Variants in MIB1 observed in about 807,000 individuals in gnomAD.
MIB1 encodes the protein E3 ubiquitin-protein ligase MIB1.
MIB1 carries 278 observed loss-of-function variants against 124.5 expected under a neutral mutation model. The observed-to-expected ratio is 2.23, with a 90% CI of 2.02 to 2.47. The LOEUF (loss-of-function observed/expected upper bound fraction) is 2.47. Ranked by LOEUF, MIB1 falls within the 30% of genes most tolerant of loss-of-function variation. MIB1 has a pLI of 0.00. For missense variants in MIB1, 957 were observed against 1,254.4 expected (o/e 0.76, Z 3.58); for synonymous variants, 446 against 429.4 (o/e 1.04, Z -0.48).
At chr18:21,856,575 G>T (rs945341171) in intron 18 of MIB1, among the ~76,000 whole-genome samples, 1 of 152,126 alleles carries the variant, frequency 6.6e-6, no homozygotes, top group African/African-American at 2.4e-5. Context: ...TGTTGGGCAG[G>T]GGGAGAGAGA....
intron 10 of MIB1, among the ~76,000 whole-genome samples, chr18:21,805,796 T>C (rs1174289777): frequency 6.6e-6 from 1 of 152,092 alleles, no homozygotes; most frequent in East Asian, 1.9e-4. Flanking sequence ...TATTTGCGTT[T>C]CTAGAGATTT....
At chr18:21,708,299 T>G (rs1290806580) in intron 1 of MIB1, among the ~76,000 whole-genome samples, 1 of 152,214 alleles carries the variant, frequency 6.6e-6, no homozygotes. Flanking sequence ...AATGAGATGA[T>G]TGAGATGGAG....
rs140763452 is a variant in MIB1, at chr18:21,788,712, G to GA, written c.909-2657dup. Among the ~76,000 whole-genome samples the GA allele has an allele frequency of 8.8e-3, 1,344 of 152,262 alleles. 21 individuals are homozygous for GA. Among genetic ancestry groups the GA allele is most frequent in the African/African-American group, 0.03 (1,256 of 41,554 alleles). On this transcript the variant is annotated intron_variant, in intron 6 of 20. Transcript: ENST00000261537. ...TACAGATGACCTGATACCATGTATA[G>GA]AAAAACCCAAAGAATCCACAAAAGC...
intron 1 of MIB1, among the ~76,000 whole-genome samples, chr18:21,722,230 A>AT (rs768152254): frequency 1.9e-4 from 28 of 150,200 alleles, no homozygotes; most frequent in Admixed American, 3.3e-4. Context: ...AATTTTTTGT[A>AT]TTTTTAGTAG....
intron 1 of MIB1, among the ~76,000 whole-genome samples, chr18:21,753,759 C>T (rs1381402424): frequency 7.9e-5 from 12 of 152,042 alleles, no homozygotes; most frequent in Admixed American, 7.9e-4. Flanking sequence ...CCACTGCAAC[C>T]TCTGCCTCCC....
At chr18:21,861,453 A>G (rs1043367093) in intron 20 of MIB1, among the ~76,000 whole-genome samples, 7 of 152,054 alleles carry the variant, frequency 4.6e-5, no homozygotes, top group Admixed American at 1.3e-4. Flanking sequence ...GAATAGTGAC[A>G]TTTATTGAAC....
intron 6 of MIB1, among the ~76,000 whole-genome samples, chr18:21,784,194 G>A (rs375388541): frequency 3.3e-5 from 5 of 151,876 alleles, no homozygotes; most frequent in African/African-American, 9.7e-5. Flanking sequence ...GACTACAGGC[G>A]CGTGCCACCA....
rs143887083 is a variant in MIB1 at position 21,793,464 on chromosome 18, G to T, written c.1092+1907G>T. Among the ~76,000 whole-genome samples, 1,025 of 152,200 alleles carry T rather than the reference G, an allele frequency of 6.7e-3. 5 individuals carry two copies. The highest frequency in any genetic ancestry group is 0.01 in the Non-Finnish European group (712 of 67,998). On this transcript the variant is annotated intron_variant, in intron 7 of 20. Coordinates refer to ENST00000261537, the MANE Select transcript of MIB1 (RefSeq NM_020774.4). ...GTTATTATTGAAAAAAGGGAATAAG[G>T]AATAGAACTTCTCTACAGATAGTGA...
At chr18:21,768,786 A>G (rs1297441023) in intron 3 of MIB1, 34 bp downstream of exon 3, 1 of 1,575,048 alleles carries the variant, frequency 6.3e-7, no homozygotes, top group Middle Eastern at 1.7e-4. Flanking sequence ...TATGTATTCT[A>G]GAGTATTATA....
chr18:21,826,984 T>G (rs559272225), intron 12 of MIB1: 1 of 152,280 alleles, frequency 6.6e-6, no homozygotes, highest in Non-Finnish European at 1.5e-5. Flanking sequence ...TAATACTGGC[T>G]TCTATTTTTA....
intron 1 of MIB1, among the ~76,000 whole-genome samples, chr18:21,716,549 G>A (rs1266911156): frequency 6.6e-6 from 1 of 152,144 alleles, no homozygotes; most frequent in Non-Finnish European, 1.5e-5. Flanking sequence ...AATGTAAATG[G>A]CCTAAAAAAT....
In MIB1 at chr18:21,866,797, T is replaced by C. The variant is rs1332455610; in HGVS notation, c.*2131T>C. 1.3e-5 allele frequency: 2 copies of C among 152,346 alleles called. No homozygotes were observed. Among genetic ancestry groups the C allele is most frequent in the Non-Finnish European group, 2.9e-5 (2 of 68,040 alleles). The allele number at this position is 152,346 out of a possible 1,614,324, so 9.4% of individuals were successfully genotyped here. On this transcript the variant is annotated 3_prime_UTR_variant, in exon 21 of 21. Coordinates refer to ENST00000261537, the MANE Select transcript of MIB1 (RefSeq NM_020774.4). ...AATAATGTCATTATAATTTTAGTGC[T>C]AGTACTTGTGGGTTTTCTGTATTTG...
At position 21,783,022 on chromosome 18, in the gene MIB1, A is replaced by C. The variant is rs146030080; in HGVS notation, c.908+3337A>C. Among the ~76,000 whole-genome samples, 339 of 152,214 alleles carry C rather than the reference A, an allele frequency of 2.2e-3. 2 individuals carry two copies. Among genetic ancestry groups the C allele is most frequent in the Non-Finnish European group, 3.6e-3 (246 of 68,014 alleles). ...TTGACCACTTTATTATTATACAGTG[A>C]CTTTTGTCTGTTTTTACAGTCTTTA... On this transcript the variant is annotated intron_variant, in intron 6 of 20. Transcript: ENST00000261537.
intron 1 of MIB1, among the ~76,000 whole-genome samples, chr18:21,706,795 G>A (rs757172014): frequency 6.6e-6 from 1 of 152,094 alleles, no homozygotes; most frequent in Non-Finnish European, 1.5e-5. Context: ...TGCCTGAGCC[G>A]CACCCCCCGC....
chr18:21,860,098 CTTTTTTTT>C (rs398032096), intron 20 of MIB1, among the ~76,000 whole-genome samples: 1,095 of 26,464 alleles, frequency 0.041, 54 homozygotes, highest in African/African-American at 0.11. Flanking sequence ...TTCTTTATGT[CTTTTTTTT>C]TTTTTTTTTT....
intron 2 of MIB1, among the ~76,000 whole-genome samples, chr18:21,767,093 G>A (rs1049647162): frequency 2.0e-5 from 3 of 152,152 alleles, no homozygotes; most frequent in African/African-American, 2.4e-5. Flanking sequence ...GAACAGGTTA[G>A]TGTAGGTAAA....
chr18:21,741,729 T>TG lies in MIB1; in HGVS notation c.148dup (p.Val50GlyfsTer32). The TG allele has an allele frequency of 6.2e-7, 1 of 1,611,478 alleles. No homozygotes were observed. Among genetic ancestry groups the TG allele is most frequent in the Non-Finnish European group, 8.5e-7 (1 of 1,179,386 alleles). On this transcript the variant is annotated frameshift_variant, in exon 1 of 21. Transcript: ENST00000261537. LOFTEE classifies it high-confidence loss of function. The surrounding 1 kb of genome is among the most constrained non-coding windows in gnomAD (Gnocchi z 5.4). Reference sequence around the variant, plus strand: ...AGCTTCGAGAGCCCCGAGGAGGTGGTGGTAGTGTGGGACAACGGCACAGCT... The same window carrying TG: ...AGCTTCGAGAGCCCCGAGGAGGTGGTGGGTAGTGTGGGACAACGGCACAGCT...
chr18:21,841,024 A>G (rs899852215), intron 13 of MIB1, among the ~76,000 whole-genome samples: 8 of 152,148 alleles, frequency 5.3e-5, no homozygotes, highest in African/African-American at 1.9e-4. Flanking sequence ...CACAGTAGGG[A>G]GAACATATTT....
chr18:21,736,452 T>C (rs1308086371), upstream of MIB1, among the ~76,000 whole-genome samples: 1 of 152,134 alleles, frequency 6.6e-6, no homozygotes, highest in Non-Finnish European at 1.5e-5. Context: ...CCAGAATGCC[T>C]CGTCTCCTTC....
Sources: gnomAD v4.1 joint callset for allele counts (sites outside exome capture counted in the v4.1 genomes callset) on GRCh38, gnomAD v4.1.1 for gene constraint, Gnocchi (gnomAD v3.1) non-coding constraint, MANE v1.5 for transcripts, NCBI Gene and HGNC (gene_info 2026-07-23, HGNC 2026-07-21) for gene names.